THTPA: variants seen among roughly 807,000 people sequenced by gnomAD.
THTPA encodes thiamine-triphosphatase.
A neutral mutation model predicts 16.5 loss-of-function variants in THTPA; 16 were observed. The observed-to-expected ratio is 0.97, with a 90% CI of 0.66 to 1.47. The LOEUF is 1.47. THTPA is among the 40% of genes most tolerant of loss of function. The pLI, the probability that THTPA is intolerant of heterozygous loss-of-function variation, is 0.00. For missense variants in THTPA, 281 were observed against 280.9 expected (o/e 1.00, Z 0.00); for synonymous variants, 110 against 115.5 (o/e 0.95, Z 0.30).
chr14:23,517,901 A>C, the THTPA span, among the ~76,000 whole-genome samples: 2 of 152,102 alleles, frequency 1.3e-5, no homozygotes, highest in Non-Finnish European at 2.9e-5. Flanking sequence ...CCCATATGTT[A>C]ATATTCAACA....
At chr14:23,514,924 C>T in the THTPA span, among the ~76,000 whole-genome samples, 1 of 152,096 alleles carries the variant, frequency 6.6e-6, no homozygotes, top group Non-Finnish European at 1.5e-5. Flanking sequence ...TCCTTCCTAC[C>T]CTTATTGCCC....
the THTPA span, chr14:23,526,081 C>T: frequency 1.4e-5 from 22 of 1,536,492 alleles, no homozygotes; most frequent in South Asian, 2.6e-4. Flanking sequence ...TGCGTTCTGG[C>T]CCTTCAATCT....
the THTPA span, chr14:23,523,474 A>G: frequency 6.5e-7 from 1 of 1,536,182 alleles, no homozygotes; most frequent in Non-Finnish European, 8.7e-7. This position sits in a 1 kb window ranked among gnomAD's most constrained non-coding sequence, Gnocchi z 4.1. Flanking sequence ...AGACATAGAA[A>G]TCATACTTGA....
At chr14:23,541,883 C>T in the THTPA span, among the ~76,000 whole-genome samples, 1 of 152,184 alleles carries the variant, frequency 6.6e-6, no homozygotes. Context: ...TTTGATTCTT[C>T]CCTTTTAATT....
the THTPA span, among the ~76,000 whole-genome samples, chr14:23,544,782 T>C: frequency 6.6e-6 from 1 of 152,202 alleles, no homozygotes; most frequent in Non-Finnish European, 1.5e-5. Flanking sequence ...CCCCGCCCAC[T>C]GGCCCTGCCA....
the THTPA span, chr14:23,527,872 T>C: frequency 2.1e-5 from 30 of 1,429,512 alleles, no homozygotes; most frequent in African/African-American, 2.8e-5. Flanking sequence ...ACATAGTCCT[T>C]TGGATGCAGC....
chr14:23,551,652 GCCTCCT>G (rs891960070), upstream of THTPA: 5 of 154,190 alleles, frequency 3.2e-5, no homozygotes, highest in East Asian at 1.9e-4. This position sits in a 1 kb window ranked among gnomAD's most constrained non-coding sequence, Gnocchi z 5.3. Context: ...CTCGCTCCCT[GCCTCCT>G]CCTCCTCCTC....
the THTPA span, chr14:23,525,795 G>A: frequency 6.7e-7 from 1 of 1,482,310 alleles, no homozygotes; most frequent in African/African-American, 1.4e-5. The surrounding 1 kb of genome is among the most constrained non-coding windows in gnomAD (Gnocchi z 5.9). Flanking sequence ...ACAGGTGCAG[G>A]CCCAGCTAGT....
At chr14:23,535,187 T>G in the THTPA span, 8 of 1,530,670 alleles carry the variant, frequency 5.2e-6, no homozygotes, top group Admixed American at 9.8e-5. This position sits in a 1 kb window ranked among gnomAD's most constrained non-coding sequence, Gnocchi z 4.5. Flanking sequence ...TTCTCAGAGG[T>G]GGAGGAGGCA....
At chr14:23,522,413 G>A in the THTPA span, 1 of 1,536,440 alleles carries the variant, frequency 6.5e-7, no homozygotes, top group Non-Finnish European at 8.7e-7. Context: ...CTCCCCTGGA[G>A]CAGGCAGTTC....
chr14:23,558,810 G>A lies in THTPA; in HGVS notation c.663G>A (p.Glu221=). The A allele has an allele frequency of 3.1e-6, 5 of 1,614,222 alleles. No individual in the cohort carries two copies. Among genetic ancestry groups the A allele is most frequent in the Non-Finnish European group, 4.2e-6 (5 of 1,180,032 alleles). ...ACAGCTCCAGAGAGAGGCCACAGGA[G>A]ACTGAAGATCCTGACCACTGCCTGG... is the stretch of plus-strand genomic sequence containing the variant. ...EVNSSRERPQ[E]TEDPDHCLG The change falls in exon 2 of 2, where the codon GAG becomes GAA. Residue 221 remains glutamate (E), a synonymous_variant. Transcript: ENST00000288014.
At chr14:23,552,745 G>A (rs998183516), upstream of THTPA, among the ~76,000 whole-genome samples, 1 of 151,894 alleles carries the variant, frequency 6.6e-6, no homozygotes, top group Non-Finnish European at 1.5e-5. Context: ...GGGATTGTAG[G>A]TGCCCACCAC....
the THTPA span, chr14:23,544,283 G>GGA: frequency 2.8e-5 from 2 of 71,432 alleles, no homozygotes; most frequent in East Asian, 7.6e-4. Flanking sequence ...ACAGAAAACA[G>GGA]AAAAAAAAAA....
rs748818410 is a variant in THTPA at position 23,557,168 on chromosome 14, AGAG to A, written c.415_417del (p.Glu139del). 3 of 1,613,984 alleles carry A rather than the reference AGAG, an allele frequency of 1.9e-6. No homozygotes were observed. In the African/African-American group the frequency reaches 4.0e-5, roughly 22 times the overall value. Reference sequence around the variant, plus strand: ...AGCTGGTGCTCTTGGGAGCTGATGAAGAGGAGCCACAGCTCAGGGTGGACTTGG... The same window carrying A: ...AGCTGGTGCTCTTGGGAGCTGATGAAGAGCCACAGCTCAGGGTGGACTTGG... On this transcript the variant is annotated inframe_deletion, in exon 1 of 2. Coordinates refer to ENST00000288014, the MANE Select transcript of THTPA (RefSeq NM_024328.6).
At chr14:23,546,123 A>G in the THTPA span, among the ~76,000 whole-genome samples, 1 of 152,182 alleles carries the variant, frequency 6.6e-6, no homozygotes, top group Non-Finnish European at 1.5e-5. This position sits in a 1 kb window ranked among gnomAD's most constrained non-coding sequence, Gnocchi z 4.7. Context: ...GACTTTGCAC[A>G]TCAACGTGCT....
At chr14:23,543,789 A>G in the THTPA span, 3 of 152,300 alleles carry the variant, frequency 2.0e-5, no homozygotes, top group African/African-American at 4.8e-5. Flanking sequence ...CCATATTAGC[A>G]TATGAACTTC....
chr14:23,511,809 C>T, the THTPA span: 1 of 152,126 alleles, frequency 6.6e-6, no homozygotes, highest in Admixed American at 6.6e-5. Flanking sequence ...CTTCTCTAGG[C>T]TGGGGTGGGG....
the THTPA span, chr14:23,525,533 G>T: frequency 4.6e-6 from 7 of 1,535,538 alleles, no homozygotes; most frequent in Non-Finnish European, 6.1e-6. This position sits in a 1 kb window ranked among gnomAD's most constrained non-coding sequence, Gnocchi z 5.9. Flanking sequence ...GGCCTCAGGT[G>T]GGGGTGGGGT....
the THTPA span, chr14:23,534,911 G>A: frequency 2.6e-6 from 4 of 1,536,002 alleles, no homozygotes; most frequent in Admixed American, 2.0e-5. This position sits in a 1 kb window ranked among gnomAD's most constrained non-coding sequence, Gnocchi z 4.5. Context: ...AAGCCCTTTG[G>A]TAACAGGAGT....
Sources: allele counts gnomAD v4.1 joint callset (sites outside exome capture counted in the v4.1 genomes callset), GRCh38; gene constraint gnomAD v4.1.1; non-coding constraint Gnocchi (gnomAD v3.1); transcripts MANE v1.5; gene names NCBI Gene and HGNC (gene_info 2026-07-23, HGNC 2026-07-21).